Variants in MBNL1 observed in about 807,000 individuals in gnomAD.
The protein encoded by MBNL1 is muscleblind like splicing regulator 1.
A neutral mutation model predicts 42.2 loss-of-function variants in MBNL1; 8 were observed. That is an observed-to-expected ratio of 0.19 (90% CI 0.11 to 0.34). The LOEUF (loss-of-function observed/expected upper bound fraction) is 0.34. Among genes scored for constraint, MBNL1 ranks in the 10% least tolerant of loss-of-function variants. The pLI is 1.00. For missense variants in MBNL1, 309 were observed against 495.3 expected (o/e 0.62, Z 3.57); for synonymous variants, 169 against 173.9 (o/e 0.97, Z 0.22).
intron 1 of MBNL1, among the ~76,000 whole-genome samples, chr3:152,281,425 T>C (rs1263791860): frequency 2.6e-5 from 4 of 151,802 alleles, no homozygotes; most frequent in Non-Finnish European, 5.9e-5. Flanking sequence ...GTGGAAGAGG[T>C]TTTTTTTAAG....
chr3:152,433,953 A>G (rs1445965005), intron 4 of MBNL1, among the ~76,000 whole-genome samples: 2 of 152,218 alleles, frequency 1.3e-5, no homozygotes, highest in African/African-American at 4.8e-5. Context: ...GACAGCATCA[A>G]ATGTACACTG....
intron 4 of MBNL1, among the ~76,000 whole-genome samples, chr3:152,443,035 C>T (rs1421958539): frequency 6.6e-6 from 1 of 151,846 alleles, no homozygotes; most frequent in African/African-American, 2.4e-5. Flanking sequence ...TTTTTTTTAA[C>T]CTCAGAAAAG....
intron 2 of MBNL1, among the ~76,000 whole-genome samples, chr3:152,328,708 T>G (rs1206522179): frequency 6.6e-6 from 1 of 152,194 alleles, no homozygotes; most frequent in African/African-American, 2.4e-5. Flanking sequence ...TGGAGTACCT[T>G]ATCAGGAAAT....
intron 9 of MBNL1, among the ~76,000 whole-genome samples, chr3:152,460,905 T>C (rs933948429): frequency 2.0e-5 from 3 of 152,052 alleles, no homozygotes; most frequent in Non-Finnish European, 4.4e-5. Context: ...GGTAAATAGA[T>C]AATAAGATAA....
intron 2 of MBNL1, among the ~76,000 whole-genome samples, chr3:152,326,928 G>A (rs1461661639): frequency 6.6e-6 from 1 of 151,402 alleles, no homozygotes; most frequent in African/African-American, 2.4e-5. Flanking sequence ...TTAGCCTCCC[G>A]AGTAGCTGGA....
At chr3:152,344,144 A>G (rs930540241) in intron 2 of MBNL1, among the ~76,000 whole-genome samples, 12 of 152,136 alleles carry the variant, frequency 7.9e-5, no homozygotes, top group African/African-American at 2.9e-4. Context: ...TGTTTCCCAG[A>G]AATATGGTGA....
chr3:152,392,853 C>T (rs2097776921), intron 2 of MBNL1, among the ~76,000 whole-genome samples: 1 of 152,108 alleles, frequency 6.6e-6, no homozygotes, highest in African/African-American at 2.4e-5. Flanking sequence ...TAAAAATATT[C>T]CTGAGAAGTA....
chr3:152,276,346 T>A (rs2150098665), intron 1 of MBNL1, among the ~76,000 whole-genome samples: 2 of 152,344 alleles, frequency 1.3e-5, no homozygotes, highest in East Asian at 1.9e-4. Flanking sequence ...GTTAATATTC[T>A]GATTTTACAG....
At chr3:152,347,312 A>T (rs1006004608) in intron 2 of MBNL1, among the ~76,000 whole-genome samples, 1 of 152,102 alleles carries the variant, frequency 6.6e-6, no homozygotes, top group Admixed American at 6.6e-5. Flanking sequence ...GTTGAAAAGT[A>T]ACATGAAAAA....
At chr3:152,341,794 AAG>A (rs2093295578) in intron 2 of MBNL1, among the ~76,000 whole-genome samples, 1 of 152,210 alleles carries the variant, frequency 6.6e-6, no homozygotes, top group African/African-American at 2.4e-5. Flanking sequence ...GAGCAGCTAA[AAG>A]AGGTGGCAAA....
intron 9 of MBNL1, among the ~76,000 whole-genome samples, chr3:152,459,683 T>C (rs1056998522): frequency 6.6e-6 from 1 of 152,134 alleles, no homozygotes; most frequent in Non-Finnish European, 1.5e-5. Flanking sequence ...ATTTTTGCTG[T>C]GTGGGCCGTA....
chr3:152,372,876 C>T (rs112706781), intron 2 of MBNL1, among the ~76,000 whole-genome samples: 15,410 of 152,134 alleles, frequency 0.1, 837 homozygotes, highest in Middle Eastern at 0.16. Flanking sequence ...GGAACATTTA[C>T]GTCTGCTGAA....
At position 152,464,342 on chromosome 3, in the gene MBNL1, A is replaced by G. The variant is rs1749251850; in HGVS notation, c.*1976A>G. The G allele has an allele frequency of 6.6e-6, 1 of 152,540 alleles. No individual in the cohort carries two copies. The highest frequency in any genetic ancestry group is 2.4e-5 in the African/African-American group (1 of 41,454). 9.4% of individuals were successfully genotyped at this position (152,540 alleles called of 1,614,324 possible). On this transcript the variant is annotated 3_prime_UTR_variant, in exon 10 of 10. Coordinates refer to ENST00000324210, the MANE Select transcript of MBNL1 (RefSeq NM_021038.5). ...AAATGATTTATATTTTACTGATTTA[A>G]TATTACAGTGTAAGAATGTCAGTCA...
chr3:152,320,943 A>T (rs149252798), intron 2 of MBNL1, among the ~76,000 whole-genome samples: 2 of 152,178 alleles, frequency 1.3e-5, no homozygotes, highest in Non-Finnish European at 2.9e-5. Context: ...AATACTTTAT[A>T]GTGTTGCAAC....
intron 6 of MBNL1, 36 bp downstream of exon 6, chr3:152,447,809 G>A (rs1713046180): frequency 6.3e-7 from 1 of 1,595,760 alleles, no homozygotes; most frequent in African/African-American, 1.3e-5. Flanking sequence ...TGAATCTGAT[G>A]ATCTACAGAG....
intron 3 of MBNL1, among the ~76,000 whole-genome samples, chr3:152,429,275 A>G (rs1285841959): frequency 6.6e-6 from 1 of 152,268 alleles, no homozygotes; most frequent in Admixed American, 6.5e-5. Flanking sequence ...ACTTTGATTT[A>G]TAATGAAGTC....
chr3:152,338,025 G>T, intron 2 of MBNL1: 2 of 882,584 alleles, frequency 2.3e-6, no homozygotes, highest in Non-Finnish European at 2.7e-6. Flanking sequence ...ATATTGCGAT[G>T]ACAAGATATA....
chr3:152,454,630 C>A (rs539147523), intron 6 of MBNL1, among the ~76,000 whole-genome samples: 1 of 152,228 alleles, frequency 6.6e-6, no homozygotes, highest in Admixed American at 6.5e-5. Flanking sequence ...CATGGTTGAA[C>A]AATTGTCAGC....
chr3:152,411,117 T>G (rs1350750840), intron 2 of MBNL1, among the ~76,000 whole-genome samples: 1 of 152,208 alleles, frequency 6.6e-6, no homozygotes, highest in Admixed American at 6.5e-5. Context: ...AGAATTTCAC[T>G]AACTTCCACA....
Sources: allele counts gnomAD v4.1 joint callset (sites outside exome capture counted in the v4.1 genomes callset), GRCh38; gene constraint gnomAD v4.1.1; transcripts MANE v1.5; gene names NCBI Gene and HGNC (gene_info 2026-07-23, HGNC 2026-07-21).